Variants in DNAH5 observed in about 807,000 individuals in gnomAD.
DNAH5 encodes the protein dynein axonemal heavy chain 5, also known as axonemal beta dynein heavy chain 5.
A neutral mutation model predicts 518.2 loss-of-function variants in DNAH5; 372 were observed. The observed-to-expected ratio is 0.72, with a 90% CI of 0.66 to 0.78. The LOEUF (loss-of-function observed/expected upper bound fraction) is 0.78, where lower values mean the gene tolerates loss of function less well. Among genes scored for constraint, DNAH5 ranks in the 30% least tolerant of loss-of-function variants. The pLI, the probability that DNAH5 is intolerant of heterozygous loss-of-function variation, is 0.00. For missense variants in DNAH5, 5,523 were observed against 5,687.0 expected (o/e 0.97, Z 0.93); for synonymous variants, 2,039 against 2,025.9 (o/e 1.01, Z -0.17).
chr5:13,753,349 A>G lies in DNAH5; in HGVS notation c.10756T>C (p.Leu3586=). ...WNLQGLPNDD[L]SIQNGIIVTK... Reference sequence around the variant, plus strand: ...ACAATAATTCCATTTTGAATGGACAAGTCATCATTTGGCAGACCTTGGAGG... The same window carrying G: ...ACAATAATTCCATTTTGAATGGACAGGTCATCATTTGGCAGACCTTGGAGG... Residue 3586 remains leucine, a synonymous_variant, in exon 63 of 79, where the codon TTG becomes CTG. Coordinates refer to ENST00000265104, the MANE Select transcript of DNAH5 (RefSeq NM_001369.3). The G allele has an allele frequency of 1.2e-6, 2 of 1,613,896 alleles. No homozygotes were observed. The highest frequency in any genetic ancestry group is 1.3e-5 in the African/African-American group (1 of 75,054).
At chr5:13,747,954 A>G (rs1221592385) in intron 65 of DNAH5, among the ~76,000 whole-genome samples, 2 of 152,158 alleles carry the variant, frequency 1.3e-5, no homozygotes, top group Non-Finnish European at 2.9e-5. Context: ...GTCCTTGCCC[A>G]TGCCTATGTC....
chr5:13,761,450 A>G (rs2093052989), intron 60 of DNAH5, among the ~76,000 whole-genome samples: 1 of 151,980 alleles, frequency 6.6e-6, no homozygotes, highest in African/African-American at 2.4e-5. Context: ...AAAATTAGCC[A>G]GGCATGGTGG....
chr5:13,918,620 G>A (rs1469020106), intron 7 of DNAH5, among the ~76,000 whole-genome samples: 2 of 152,168 alleles, frequency 1.3e-5, no homozygotes, highest in South Asian at 2.1e-4. Flanking sequence ...ACAGGCACAC[G>A]ACACTATGCC....
At position 13,810,277 on chromosome 5, in the gene DNAH5, C is replaced by T. The variant is rs1446765769; in HGVS notation, c.7408-17G>A. ...GCCTTGCTCCTGAGAAGGAAAGACA[C>T]TTTTTTTTAATAACTTGATTCTGAA... is the stretch of plus-strand genomic sequence containing the variant. On this transcript the variant is annotated splice_polypyrimidine_tract_variant and intron_variant, in intron 44 of 78. Transcript: ENST00000265104. The T allele has an allele frequency of 7.1e-6, 11 of 1,548,018 alleles. No homozygotes were observed. Among genetic ancestry groups the T allele is most frequent in the Non-Finnish European group, 8.7e-6 (10 of 1,145,086 alleles).
At chr5:13,869,805 A>AGTTTGTTT (rs113750616) in intron 24 of DNAH5, among the ~76,000 whole-genome samples, 5 of 151,752 alleles carry the variant, frequency 3.3e-5, no homozygotes, top group African/African-American at 1.2e-4. Context: ...GGGAAAAAAG[A>AGTTTGTTT]GTTTGTTTGT....
intron 58 of DNAH5, among the ~76,000 whole-genome samples, chr5:13,767,057 C>T (rs1752602354): frequency 6.6e-6 from 1 of 152,024 alleles, no homozygotes; most frequent in Non-Finnish European, 1.5e-5. Context: ...AAAGAAAAAA[C>T]ACTAAACTTG....
Position 13,701,275 on chromosome 5 carries a change from A to T in DNAH5, c.13491+9T>A. ...TAATAACGCAACGGGTGCAAATCAG[A>T]GCTCTTACCTGTCGCATTGCAGTTA... is the stretch of plus-strand genomic sequence containing the variant. On this transcript the variant is annotated intron_variant, in intron 77 of 78. Transcript: ENST00000265104. The T allele has an allele frequency of 6.2e-7, 1 of 1,614,046 alleles. No homozygotes were observed. Among genetic ancestry groups the T allele is most frequent in the Non-Finnish European group, 8.5e-7 (1 of 1,179,978 alleles).
At chr5:13,811,043 C>T in intron 44 of DNAH5, among the ~76,000 whole-genome samples, 1 of 151,962 alleles carries the variant, frequency 6.6e-6, no homozygotes, top group East Asian at 1.9e-4. Flanking sequence ...CAATTGAAGT[C>T]ATGGAGATAG....
chr5:13,988,228 C>T (rs1241028000), intron 1 of DNAH5, among the ~76,000 whole-genome samples: 2 of 152,142 alleles, frequency 1.3e-5, no homozygotes, highest in African/African-American at 2.4e-5. Flanking sequence ...GAATGTAAAT[C>T]GTAGAGAGTT....
intron 78 of DNAH5, among the ~76,000 whole-genome samples, chr5:13,695,732 G>A (rs971957327): frequency 6.6e-6 from 1 of 152,056 alleles, no homozygotes; most frequent in African/African-American, 2.4e-5. Flanking sequence ...GTATGTGCCT[G>A]GTATAGTATG....
intron 70 of DNAH5, among the ~76,000 whole-genome samples, chr5:13,722,617 T>C (rs1434583481): frequency 6.6e-6 from 1 of 152,236 alleles, no homozygotes; most frequent in Non-Finnish European, 1.5e-5. Context: ...ATCATTCATA[T>C]AGCCAGGTAA....
intron 3 of DNAH5, among the ~76,000 whole-genome samples, chr5:13,927,005 T>C (rs776857035): frequency 2.0e-5 from 3 of 152,212 alleles, no homozygotes; most frequent in Non-Finnish European, 2.9e-5. Context: ...CAAAGAAGTA[T>C]AGTCTTACTA....
chr5:13,867,657 C>G (rs1769469439), intron 25 of DNAH5, 117 bp downstream of exon 25: 1 of 859,982 alleles, frequency 1.2e-6, no homozygotes, highest in Non-Finnish European at 2.0e-6. Context: ...AATTCCCATT[C>G]CCTGGGAATT....
chr5:13,866,931 T>C (rs1319530022), intron 25 of DNAH5, among the ~76,000 whole-genome samples: 1 of 152,188 alleles, frequency 6.6e-6, no homozygotes, highest in African/African-American at 2.4e-5. Context: ...TAAACCTATA[T>C]GGATAATTAA....
chr5:13,953,825 A>C (rs1018765543), intron 1 of DNAH5, among the ~76,000 whole-genome samples: 1 of 152,056 alleles, frequency 6.6e-6, no homozygotes, highest in Non-Finnish European at 1.5e-5. Flanking sequence ...CTCCTGCCTC[A>C]GCCTCCCAAG....
intron 30 of DNAH5, among the ~76,000 whole-genome samples, chr5:13,853,486 C>T (rs537249359): frequency 3.3e-5 from 5 of 152,058 alleles, no homozygotes; most frequent in South Asian, 2.1e-4. Context: ...AACAACTCCT[C>T]GCCAGCAAGG....
Position 13,718,961 on chromosome 5 carries a change from A to G in DNAH5, c.12420T>C (p.Ile4140=), listed in dbSNP as rs778262244. 1.9e-6 allele frequency: 3 copies of G among 1,614,128 alleles called. No individual in the cohort carries two copies. The highest frequency in any genetic ancestry group is 2.5e-6 in the Non-Finnish European group (3 of 1,180,002). ...MTTEAHKQFP[I]TLLQMSIKFA... ...ATTTAATGGACATCTGAAGGAGTGT[A>G]ATGGGAAACTGCTTATGAGCCTCGG... Residue 4140 remains isoleucine (I), a synonymous_variant, in exon 72 of 79, where the codon ATT becomes ATC. Transcript: ENST00000265104.
chr5:13,786,437 AC>A (rs1165968576), intron 51 of DNAH5, 86 bp from the exon 52 acceptor site: 80 of 1,303,952 alleles, frequency 6.1e-5, no homozygotes, highest in Admixed American at 8.7e-5. Flanking sequence ...AAGCTCTACA[AC>A]CTAACACTGA....
At chr5:13,760,079 A>C (rs1437869801) in intron 60 of DNAH5, among the ~76,000 whole-genome samples, 2 of 152,218 alleles carry the variant, frequency 1.3e-5, no homozygotes. Flanking sequence ...GTAAGCTGCA[A>C]CTGTTCCCAT....
Sources: allele counts gnomAD v4.1 joint callset (sites outside exome capture counted in the v4.1 genomes callset), GRCh38; gene constraint gnomAD v4.1.1; transcripts MANE v1.5; gene names NCBI Gene and HGNC (gene_info 2026-07-23, HGNC 2026-07-21).